The following PTPRA variants were observed in gnomAD, a reference collection of about 807,000 sequenced individuals.
PTPRA encodes receptor-type tyrosine-protein phosphatase alpha.
A neutral mutation model predicts 104.8 loss-of-function variants in PTPRA; 25 were observed. The observed-to-expected ratio is 0.24, with a 90% CI of 0.17 to 0.33. The LOEUF is 0.33. PTPRA is among the 10% of genes least tolerant of loss of function. PTPRA has a pLI of 1.00. For synonymous variants in PTPRA, 323 were observed against 368.9 expected, an observed-to-expected ratio of 0.88 and a Z score of 1.43; for missense variants, 765 against 1,015.3, an observed-to-expected ratio of 0.75 and a Z score of 3.35.
At chr20:2,976,853 T>G (rs73581778) in intron 6 of PTPRA, among the ~76,000 whole-genome samples, 9,048 of 152,278 alleles carry the variant, frequency 0.059, 871 homozygotes, top group African/African-American at 0.2. Context: ...TATGCACTGG[T>G]CTTTGGGGTG....
At chr20:2,937,125 TTC>T (rs1353116825) in intron 2 of PTPRA, among the ~76,000 whole-genome samples, 68 of 86,746 alleles carry the variant, frequency 7.8e-4, no homozygotes, top group African/African-American at 6.3e-4. Context: ...ACCTTTCTTC[TTC>T]TTTTTTTTTT....
chr20:2,914,709 A>C (rs1284645796), intron 1 of PTPRA, among the ~76,000 whole-genome samples: 1 of 152,242 alleles, frequency 6.6e-6, no homozygotes, highest in Admixed American at 6.5e-5. Context: ...AATGGTTTTT[A>C]GACTGAATTA....
intron 2 of PTPRA, among the ~76,000 whole-genome samples, chr20:2,924,879 C>T (rs2060236716): frequency 6.6e-6 from 1 of 152,144 alleles, no homozygotes; most frequent in South Asian, 2.1e-4. Flanking sequence ...CAGAGTTTCA[C>T]CATGTTGGCC....
Position 2,969,061 on chromosome 20 carries a change from A to C in PTPRA, c.415+3859A>C, listed in dbSNP as rs868554031. Among the ~76,000 whole-genome samples the C allele has an allele frequency of 7.2e-5, 11 of 152,160 alleles. No homozygotes were observed. The Middle Eastern group carries it at 0.01, about 141-fold the overall frequency. ...TCTGTCTACCTACTAAAAATAAAAAAATTAGTCAAACGTGTTGGCATATAC... is the reference window on the plus strand; with the variant it reads ...TCTGTCTACCTACTAAAAATAAAAACATTAGTCAAACGTGTTGGCATATAC... On this transcript the variant is annotated intron_variant, in intron 5 of 23. Coordinates refer to ENST00000399903, the MANE Select transcript of PTPRA (RefSeq NM_001385305.1).
At chr20:2,964,486 G>A (rs1196729183) in intron 4 of PTPRA, 136 bp downstream of exon 4, 21 of 732,780 alleles carry the variant, frequency 2.9e-5, no homozygotes, top group African/African-American at 5.4e-5. Flanking sequence ...TAAAATAGGT[G>A]TCTTCAGAAA....
At chr20:2,888,719 C>CA (rs2058689475) in intron 1 of PTPRA, among the ~76,000 whole-genome samples, 1 of 152,122 alleles carries the variant, frequency 6.6e-6, no homozygotes, top group South Asian at 2.1e-4. Flanking sequence ...CCCTGCCTTT[C>CA]AGCTTTCCCT....
chr20:2,936,443 A>G (rs1277037539), intron 2 of PTPRA, among the ~76,000 whole-genome samples: 2 of 150,102 alleles, frequency 1.3e-5, no homozygotes, highest in Middle Eastern at 3.3e-3. Flanking sequence ...TATTATAGGC[A>G]TGAGCCACCA....
chr20:2,864,689 G>T, the PTPRA span: 1 of 1,601,208 alleles, frequency 6.2e-7, no homozygotes. This position sits in a 1 kb window ranked among gnomAD's most constrained non-coding sequence, Gnocchi z 5.2. Context: ...GGCGTGTGGG[G>T]CATGTGGGCT....
At chr20:2,998,118 G>A in intron 9 of PTPRA, among the ~76,000 whole-genome samples, 1 of 148,108 alleles carries the variant, frequency 6.8e-6, no homozygotes, top group Non-Finnish European at 1.5e-5. Context: ...GCTACAGTGA[G>A]CTACAGTGAT....
upstream of PTPRA, among the ~76,000 whole-genome samples, chr20:2,869,816 A>T (rs900562805): frequency 6.7e-6 from 1 of 149,240 alleles, no homozygotes; most frequent in African/African-American, 2.5e-5. Flanking sequence ...AAATACAAAA[A>T]AATTAGCTGG....
At chr20:2,955,116 CCT>C (rs2061491332) in intron 3 of PTPRA, among the ~76,000 whole-genome samples, 1 of 152,058 alleles carries the variant, frequency 6.6e-6, no homozygotes, top group Admixed American at 6.6e-5. Flanking sequence ...AGATTTCTCC[CCT>C]TTTTTTGTTC....
chr20:3,031,882 C>T (rs563267192), intron 20 of PTPRA, among the ~76,000 whole-genome samples: 14 of 152,252 alleles, frequency 9.2e-5, no homozygotes, highest in Admixed American at 1.3e-4. Context: ...ACTTTCATAG[C>T]AAACTCTCTA....
In PTPRA at chr20:2,873,502, CG is replaced by C. The variant is rs2089485105; in HGVS notation, c.-386del. 1 of 152,034 alleles carries C rather than the reference CG, an allele frequency of 6.6e-6. No individual in the cohort carries two copies. Among genetic ancestry groups the C allele is most frequent in the South Asian group, 2.1e-4 (1 of 4,832 alleles). The allele number at this position is 152,034 out of a possible 1,614,324, so 9.4% of individuals were successfully genotyped here. A position where few individuals can be genotyped will look rare whatever the true frequency, so the allele number is the denominator to read the frequency against. Reference sequence around the variant, plus strand: ...GGCCGGGTCGGGAGCGAGGCTGCGGCGAGTGCGGCGCTGACAGAGACGCGCG... The same window carrying C: ...GGCCGGGTCGGGAGCGAGGCTGCGGCAGTGCGGCGCTGACAGAGACGCGCG... On this transcript the variant is annotated 5_prime_UTR_variant, in exon 1 of 24. Coordinates refer to ENST00000399903, the MANE Select transcript of PTPRA (RefSeq NM_001385305.1). The surrounding 1 kb of genome is among the most constrained non-coding windows in gnomAD (Gnocchi z 4.4).
rs71195813 is a variant in PTPRA at position 3,029,540 on chromosome 20, C to CTTTTTTTTTTTTTTTTTTTTTTTT, written c.1920+1717_1920+1718insTTTTTTTTTTTTTTTTTTTTTTTT. Among the ~76,000 whole-genome samples the CTTTTTTTTTTTTTTTTTTTTTTTT allele has an allele frequency of 4.1e-4, 32 of 78,060 alleles. 7 individuals carry two copies. The highest frequency in any genetic ancestry group is 6.7e-4 in the African/African-American group (12 of 18,036). 51.2% of individuals were successfully genotyped at this position (78,060 alleles called of 152,430 possible). ...GACATACTTTGTAGGTCTTCATCATCTTTTTTTTTTTTTTTTTTGAGACGG... is the reference window on the plus strand; with the variant it reads ...GACATACTTTGTAGGTCTTCATCATCTTTTTTTTTTTTTTTTTTTTTTTTTTTTTTTTTTTTTTTTTTGAGACGG... On this transcript the variant is annotated intron_variant, in intron 20 of 23. Transcript: ENST00000399903.
At chr20:2,906,141 ATTTGAAACAT>A (rs1325933576) in intron 1 of PTPRA, among the ~76,000 whole-genome samples, 1 of 152,242 alleles carries the variant, frequency 6.6e-6, no homozygotes, top group African/African-American at 2.4e-5. Flanking sequence ...AAGAGAGAAC[ATTTGAAACAT>A]TAATTAGTAG....
intron 1 of PTPRA, among the ~76,000 whole-genome samples, chr20:2,914,099 G>A (rs1212087036): frequency 6.6e-6 from 1 of 152,128 alleles, no homozygotes; most frequent in Non-Finnish European, 1.5e-5. Flanking sequence ...TTGATGCTGA[G>A]TTTGTCCCAG....
chr20:3,018,558 C>T (rs971719568), intron 13 of PTPRA, among the ~76,000 whole-genome samples: 4 of 151,894 alleles, frequency 2.6e-5, no homozygotes, highest in African/African-American at 9.7e-5. Context: ...CACAGATCTA[C>T]AGGATCCCAA....
chr20:2,972,557 AT>A (rs1242157718), intron 5 of PTPRA, among the ~76,000 whole-genome samples: 3 of 151,662 alleles, frequency 2.0e-5, no homozygotes, highest in Admixed American at 1.3e-4. Context: ...ATTATTTCTT[AT>A]TTTTTTCATT....
chr20:2,942,976 A>T (rs931005336), intron 2 of PTPRA, among the ~76,000 whole-genome samples: 3 of 151,862 alleles, frequency 2.0e-5, no homozygotes, highest in Non-Finnish European at 4.4e-5. Context: ...TACAATACTT[A>T]TAATAATATG....
Sources: allele counts gnomAD v4.1 joint callset (sites outside exome capture counted in the v4.1 genomes callset), GRCh38; gene constraint gnomAD v4.1.1; non-coding constraint Gnocchi (gnomAD v3.1); transcripts MANE v1.5; gene names NCBI Gene and HGNC (gene_info 2026-07-23, HGNC 2026-07-21).